The following SLIT3 variants were observed in gnomAD, a reference collection of about 807,000 sequenced individuals.
SLIT3 encodes the protein slit guidance ligand 3.
SLIT3 carries 68 observed loss-of-function variants against 184.0 expected under a neutral mutation model. The observed-to-expected ratio is 0.37, with a 90% CI of 0.30 to 0.45. SLIT3 has a LOEUF of 0.45. SLIT3 is among the 20% of genes least tolerant of loss of function. The pLI, the probability that SLIT3 is intolerant of heterozygous loss-of-function variation, is 1.00. For synonymous variants in SLIT3, 831 were observed against 828.6 expected, an observed-to-expected ratio of 1.00 and a Z score of -0.05; for missense variants, 1,707 against 2,026.0, an observed-to-expected ratio of 0.84 and a Z score of 3.02.
chr5:168,992,887 T>C (rs1755378581), intron 4 of SLIT3: 1 of 152,230 alleles, frequency 6.6e-6, no homozygotes, highest in African/African-American at 2.4e-5. Flanking sequence ...GTTGACACAG[T>C]GTTCCCTTGT....
chr5:168,778,303 C>T (rs1315516513), intron 12 of SLIT3, among the ~76,000 whole-genome samples: 1 of 152,220 alleles, frequency 6.6e-6, no homozygotes, highest in East Asian at 1.9e-4. Context: ...CAACCAAGGT[C>T]CCCCAGCAAT....
chr5:168,684,287 T>A (rs942075819), intron 31 of SLIT3, among the ~76,000 whole-genome samples, 191 bp from the exon 32 acceptor site: 2 of 152,098 alleles, frequency 1.3e-5, no homozygotes, highest in Non-Finnish European at 2.9e-5. Context: ...CCTCAGCAAG[T>A]GCTGACTGAG....
At chr5:168,962,910 T>C (rs1763066223) in intron 4 of SLIT3, among the ~76,000 whole-genome samples, 1 of 152,150 alleles carries the variant, frequency 6.6e-6, no homozygotes, top group South Asian at 2.1e-4. Context: ...TGAAATCACA[T>C]CTCTTCACAG....
At chr5:169,265,483 C>T (rs554677965) in intron 1 of SLIT3, among the ~76,000 whole-genome samples, 4 of 152,296 alleles carry the variant, frequency 2.6e-5, no homozygotes, top group South Asian at 4.1e-4. Flanking sequence ...GATCCAATTC[C>T]CTCACTCAAG....
intron 4 of SLIT3, among the ~76,000 whole-genome samples, chr5:169,056,466 T>A (rs1222376309): frequency 6.6e-6 from 1 of 152,184 alleles, no homozygotes; most frequent in Non-Finnish European, 1.5e-5. Flanking sequence ...CATAACTGAT[T>A]TGTCTTTTCA....
chr5:168,734,867 G>A (rs976322214), intron 20 of SLIT3, among the ~76,000 whole-genome samples: 1 of 152,210 alleles, frequency 6.6e-6, no homozygotes, highest in Non-Finnish European at 1.5e-5. Context: ...TCCTCAGGGA[G>A]AGCTGCGTTT....
At chr5:168,777,322 T>C (rs1264214037) in intron 12 of SLIT3, among the ~76,000 whole-genome samples, 2 of 152,164 alleles carry the variant, frequency 1.3e-5, no homozygotes, top group African/African-American at 2.4e-5. Flanking sequence ...GTCATTTAGG[T>C]TTGAAACCCC....
At chr5:168,867,693 A>T (rs17070567) in intron 5 of SLIT3, among the ~76,000 whole-genome samples, 4,416 of 152,284 alleles carry the variant, frequency 0.029, 212 homozygotes, top group African/African-American at 0.1. Context: ...TTTTGGGAAG[A>T]TCTGCTCCCA....
intron 4 of SLIT3, among the ~76,000 whole-genome samples, chr5:169,014,280 C>T (rs1050710745): frequency 6.6e-6 from 1 of 152,128 alleles, no homozygotes; most frequent in Non-Finnish European, 1.5e-5. Flanking sequence ...TACATGTATT[C>T]TTATTCTCTC....
At chr5:169,055,718 G>A (rs1757977088) in intron 4 of SLIT3, among the ~76,000 whole-genome samples, 1 of 152,060 alleles carries the variant, frequency 6.6e-6, no homozygotes, top group South Asian at 2.1e-4. Context: ...TGTAGTGCCA[G>A]CTACTCGGGA....
intron 35 of SLIT3, among the ~76,000 whole-genome samples, chr5:168,668,580 T>C (rs1351349792): frequency 1.3e-5 from 2 of 152,254 alleles, no homozygotes; most frequent in Non-Finnish European, 2.9e-5. Context: ...TTTGGCAGTA[T>C]GAGTTATCTG....
Position 168,998,893 on chromosome 5 carries a change from C to CTGTGTGTGTGTGTGTG in SLIT3, c.414-115573_414-115558dup, listed in dbSNP as rs71575505. Among the ~76,000 whole-genome samples, 373 of 143,282 alleles carry CTGTGTGTGTGTGTGTG rather than the reference C, an allele frequency of 2.6e-3. 1 individual carries two copies. Among genetic ancestry groups the CTGTGTGTGTGTGTGTG allele is most frequent in the African/African-American group, 9.3e-3 (358 of 38,580 alleles). 94.0% of individuals were successfully genotyped at this position (143,282 alleles called of 152,430 possible). On this transcript the variant is annotated intron_variant, in intron 4 of 35. Coordinates refer to ENST00000519560, the MANE Select transcript of SLIT3 (RefSeq NM_003062.4). ...AAATTCTGGGAGGGGACCCAGAAAT[C>CTGTGTGTGTGTGTGTG]TGTGTGTGTGTGTGTGTGTGTGTGT...
chr5:168,858,333 C>T (rs184592308), intron 5 of SLIT3, among the ~76,000 whole-genome samples: 71 of 152,322 alleles, frequency 4.7e-4, no homozygotes, highest in Non-Finnish European at 8.8e-4. Context: ...AGAAATGGGC[C>T]ACCCCACTCC....
chr5:168,740,690 G>A (rs972944910), intron 20 of SLIT3, among the ~76,000 whole-genome samples: 6 of 152,194 alleles, frequency 3.9e-5, no homozygotes, highest in East Asian at 3.8e-4. Flanking sequence ...AGTGAGGGCT[G>A]CCTTCCTCGG....
intron 6 of SLIT3, among the ~76,000 whole-genome samples, chr5:168,836,017 T>A (rs1758039801): frequency 6.6e-6 from 1 of 152,172 alleles, no homozygotes; most frequent in Non-Finnish European, 1.5e-5. Context: ...AAAGTAGCAA[T>A]GTTGATCCTG....
chr5:168,677,851 G>T lies in SLIT3; in HGVS notation c.3687-4520C>A, dbSNP rs550469792. On this transcript the variant is annotated intron_variant, in intron 32 of 35. Transcript: ENST00000519560. The stretch of plus-strand genomic sequence containing the variant: ...TTGACCTTACTCTGGGCTTGCTGGA[G>T]CTGGGTGTGGCAGCAACTGGGGTGG... Among the ~76,000 whole-genome samples the T allele has an allele frequency of 6.6e-5, 10 of 152,362 alleles. No individual in the cohort carries two copies. The East Asian group carries it at 1.7e-3, about 26-fold the overall frequency.
In SLIT3 at chr5:169,080,939, A is replaced by G. The variant is rs563693862; in HGVS notation, c.413+112540T>C. Among the ~76,000 whole-genome samples the G allele has an allele frequency of 2.0e-5, 3 of 152,278 alleles. 1 individual carries two copies. Among genetic ancestry groups the G allele is most frequent in the African/African-American group, 4.8e-5 (2 of 41,558 alleles). On this transcript the variant is annotated intron_variant, in intron 4 of 35. Transcript: ENST00000519560. Reference sequence around the variant, plus strand: ...GAAAAAAGAAAAAAAAATGTAAAAAACCAGGTACCCTGGAGAAGCCAACAG... The same window carrying G: ...GAAAAAAGAAAAAAAAATGTAAAAAGCCAGGTACCCTGGAGAAGCCAACAG...
intron 4 of SLIT3, among the ~76,000 whole-genome samples, chr5:169,107,191 T>G (rs1043978699): frequency 2.0e-5 from 3 of 152,236 alleles, no homozygotes; most frequent in Admixed American, 2.0e-4. Flanking sequence ...GCAGAAAAGA[T>G]GAGTGAGGCT....
intron 5 of SLIT3, among the ~76,000 whole-genome samples, chr5:168,880,139 C>T (rs956731694): frequency 3.9e-5 from 6 of 152,206 alleles, no homozygotes; most frequent in Admixed American, 6.5e-5. Context: ...CAAGAGACAG[C>T]GTGAGAGAGA....
Sources: allele counts gnomAD v4.1 joint callset (sites outside exome capture counted in the v4.1 genomes callset), GRCh38; gene constraint gnomAD v4.1.1; transcripts MANE v1.5; gene names NCBI Gene and HGNC (gene_info 2026-07-23, HGNC 2026-07-21).